Variants in CNTNAP2 observed in about 807,000 individuals in gnomAD.
The protein encoded by CNTNAP2 is contactin-associated protein-like 2.
Under a neutral mutation model 155.2 loss-of-function variants are expected in CNTNAP2, and 98 were observed. That is an observed-to-expected ratio of 0.63 (90% CI 0.54 to 0.75). The LOEUF is 0.75. Ranked by LOEUF, CNTNAP2 falls within the 30% of genes least tolerant of loss-of-function variation. The probability of loss-of-function intolerance (pLI) is 0.00; values close to 1 mark genes in which losing one functional copy is unlikely to be tolerated. For missense variants in CNTNAP2, 1,727 were observed against 1,688.1 expected (o/e 1.02, Z -0.40); for synonymous variants, 651 against 631.2 (o/e 1.03, Z -0.47).
intron 4 of CNTNAP2, among the ~76,000 whole-genome samples, chr7:147,046,711 T>G (rs1799363029): frequency 6.6e-6 from 1 of 152,108 alleles, no homozygotes; most frequent in South Asian, 2.1e-4. Context: ...TTCCTGATGC[T>G]TACAAATTAA....
At position 148,328,450 on chromosome 7, in the gene CNTNAP2, G is replaced by A. The variant is rs371817557; in HGVS notation, c.3476-55199G>A. ...TGTCTGCTGCAGATTGTGGGTCAGCGTGCTGTTGTCGCATATGGCCAAGCT... is the reference window on the plus strand; with the variant it reads ...TGTCTGCTGCAGATTGTGGGTCAGCATGCTGTTGTCGCATATGGCCAAGCT... On this transcript the variant is annotated intron_variant, in intron 21 of 23. Coordinates refer to ENST00000361727, the MANE Select transcript of CNTNAP2 (RefSeq NM_014141.6). 9.2e-5 allele frequency among the ~76,000 whole-genome samples: 14 copies of A among 152,236 alleles called. No homozygotes were observed. In the East Asian group the frequency reaches 1.7e-3, roughly 19 times the overall value.
intron 1 of CNTNAP2, among the ~76,000 whole-genome samples, chr7:146,212,274 T>C (rs867947187): frequency 3.9e-5 from 6 of 152,122 alleles, no homozygotes; most frequent in South Asian, 2.1e-4. Flanking sequence ...TATGATTCTG[T>C]GAACTATTTG....
At chr7:148,341,335 A>G (rs938156529) in intron 21 of CNTNAP2, among the ~76,000 whole-genome samples, 2 of 151,796 alleles carry the variant, frequency 1.3e-5, no homozygotes, top group Non-Finnish European at 2.9e-5. Context: ...CTAATCCGTA[A>G]TAGTGTGTTA....
intron 2 of CNTNAP2, among the ~76,000 whole-genome samples, chr7:146,836,774 A>G (rs1803625771): frequency 6.6e-6 from 1 of 152,138 alleles, no homozygotes. Flanking sequence ...TAAGGTGAAA[A>G]ACTTATATTT....
intron 1 of CNTNAP2, among the ~76,000 whole-genome samples, chr7:146,132,851 T>A (rs1320295485): frequency 6.7e-6 from 1 of 148,748 alleles, no homozygotes; most frequent in Non-Finnish European, 1.5e-5. Context: ...TTTGCTATTG[T>A]GAATAATGCC....
chr7:146,732,688 T>A (rs975124751), intron 1 of CNTNAP2, among the ~76,000 whole-genome samples: 2 of 152,098 alleles, frequency 1.3e-5, no homozygotes, highest in Admixed American at 1.3e-4. Flanking sequence ...GGGGAATTGG[T>A]TCCATGACCC....
At chr7:146,963,949 AT>A (rs35894846) in intron 3 of CNTNAP2, among the ~76,000 whole-genome samples, 6,005 of 148,984 alleles carry the variant, frequency 0.04, 134 homozygotes, top group South Asian at 0.078. Flanking sequence ...AGACAGGATG[AT>A]TTTTTTTTTT....
intron 4 of CNTNAP2, among the ~76,000 whole-genome samples, chr7:147,080,364 T>A (rs1332573793): frequency 3.3e-5 from 5 of 152,174 alleles, no homozygotes; most frequent in Admixed American, 2.6e-4. Flanking sequence ...TACATCTTAC[T>A]CAACTTCGTA....
chr7:147,866,631 G>T (rs946347265), intron 13 of CNTNAP2, among the ~76,000 whole-genome samples: 1 of 152,078 alleles, frequency 6.6e-6, no homozygotes, highest in Non-Finnish European at 1.5e-5. Context: ...TATATATTTC[G>T]GATAGTTAGC....
chr7:147,574,170 C>T (rs2116813355), intron 12 of CNTNAP2, among the ~76,000 whole-genome samples: 2 of 152,166 alleles, frequency 1.3e-5, no homozygotes, highest in South Asian at 2.1e-4. Flanking sequence ...ATTTCCTTTT[C>T]TAATGGCGTT....
intron 3 of CNTNAP2, among the ~76,000 whole-genome samples, chr7:147,009,014 G>C (rs1230583196): frequency 6.7e-6 from 1 of 149,696 alleles, no homozygotes; most frequent in Non-Finnish European, 1.5e-5. Context: ...ATGCTCAATT[G>C]GGCTATTTTG....
intron 13 of CNTNAP2, among the ~76,000 whole-genome samples, chr7:147,676,264 G>A (rs1329442067): frequency 6.6e-6 from 1 of 151,972 alleles, no homozygotes; most frequent in East Asian, 1.9e-4. Context: ...AAAAATGTAT[G>A]TGAAGTACTT....
chr7:146,383,092 C>T (rs956393136), intron 1 of CNTNAP2, among the ~76,000 whole-genome samples: 1 of 152,074 alleles, frequency 6.6e-6, no homozygotes, highest in African/African-American at 2.4e-5. Flanking sequence ...AATTTAGTAT[C>T]ATGGAAACAA....
At chr7:146,194,671 C>A (rs1178105488) in intron 1 of CNTNAP2, among the ~76,000 whole-genome samples, 1 of 152,110 alleles carries the variant, frequency 6.6e-6, no homozygotes, top group Non-Finnish European at 1.5e-5. Flanking sequence ...TGCTTTTTAT[C>A]CATACACTAA....
chr7:147,630,316 T>TAAAAAAAAAAAA (rs71183024), intron 12 of CNTNAP2, among the ~76,000 whole-genome samples: 145 of 72,910 alleles, frequency 2.0e-3, no homozygotes, highest in East Asian at 4.4e-3. Context: ...GAAACAGTAG[T>TAAAAAAAAAAAA]AAAAAAAAAA....
rs1483517317 is a variant in CNTNAP2, at chr7:146,947,555, G to GTATA, written c.403-96351_403-96350insATAT. Among the ~76,000 whole-genome samples the GTATA allele has an allele frequency of 3.2e-3, 128 of 39,404 alleles. 2 individuals carry two copies. The highest frequency in any genetic ancestry group is 8.1e-3 in the African/African-American group (114 of 14,022). 25.9% of individuals were successfully genotyped at this position (39,404 alleles called of 152,430 possible). On this transcript the variant is annotated intron_variant, in intron 3 of 23. Transcript: ENST00000361727. ...TGTGTGTGTGTGTATGTGTGTGTGT[G>GTATA]TGTATATATATATATATATACATAT...
chr7:147,494,847 C>A (rs944134157), intron 11 of CNTNAP2, among the ~76,000 whole-genome samples: 1 of 152,106 alleles, frequency 6.6e-6, no homozygotes, highest in Admixed American at 6.6e-5. Context: ...TCCTTTGATA[C>A]TTTTTAACTT....
chr7:147,625,341 C>T (rs1210224766), intron 12 of CNTNAP2, among the ~76,000 whole-genome samples: 1 of 152,032 alleles, frequency 6.6e-6, no homozygotes, highest in East Asian at 1.9e-4. Context: ...CATTGCATGC[C>T]TGTATCAAAG....
At position 146,716,218 on chromosome 7, in the gene CNTNAP2, A is replaced by G. The variant is rs1256660002; in HGVS notation, c.98-58053A>G. 2.2e-5 allele frequency among the ~76,000 whole-genome samples: 3 copies of G among 136,838 alleles called. No homozygotes were observed. The South Asian group carries it at 6.7e-4, about 31-fold the overall frequency. The allele number at this position is 136,838 out of a possible 152,430, so 89.8% of individuals were successfully genotyped here. ...TAGGAAAGCTAAGTCTGCAGGAAAA[A>G]AAAAAAAAAAAAAAGGCATGTTTTG... On this transcript the variant is annotated intron_variant, in intron 1 of 23. Coordinates refer to ENST00000361727, the MANE Select transcript of CNTNAP2 (RefSeq NM_014141.6).
Sources: gnomAD v4.1 joint callset for allele counts (sites outside exome capture counted in the v4.1 genomes callset) on GRCh38, gnomAD v4.1.1 for gene constraint, MANE v1.5 for transcripts, NCBI Gene and HGNC (gene_info 2026-07-23, HGNC 2026-07-21) for gene names.